Variants in TPCN2 observed in about 807,000 individuals in gnomAD.
The protein encoded by TPCN2 is two pore segment channel 2, also known as two pore channel protein 2.
Under a neutral mutation model 111.4 loss-of-function variants are expected in TPCN2, and 92 were observed. The ratio of observed to expected loss-of-function variants is 0.83; its 90% CI spans 0.70 to 0.98. The LOEUF is 0.98. Among genes scored for constraint, TPCN2 ranks in the 50% least tolerant of loss-of-function variants. TPCN2 has a pLI of 0.00. For missense variants in TPCN2, 995 were observed against 980.1 expected, an observed-to-expected ratio of 1.02 and a Z score of -0.20; for synonymous variants, 405 against 414.5, an observed-to-expected ratio of 0.98 and a Z score of 0.28.
At chr11:69,073,253 C>G (rs1257081539) in intron 13 of TPCN2, among the ~76,000 whole-genome samples, 3 of 152,378 alleles carry the variant, frequency 2.0e-5, no homozygotes, top group South Asian at 2.1e-4. Flanking sequence ...AAATGGTCTT[C>G]TCGGTTTCCA....
At position 69,076,396 on chromosome 11, in the gene TPCN2, CTG is replaced by C. The variant is rs1325016890; in HGVS notation, c.1231-2083_1231-2082del. 5.3e-5 allele frequency among the ~76,000 whole-genome samples: 8 copies of C among 152,266 alleles called. No individual in the cohort carries two copies. In the South Asian group the frequency reaches 6.2e-4, roughly 12 times the overall value. ...TGGGCACTGGTTTCCACATTGAGGA[CTG>C]TGGGAAGCTGGGAAATTTTCAGGAG... is the stretch of plus-strand genomic sequence containing the variant. On this transcript the variant is annotated intron_variant, in intron 13 of 24. Coordinates refer to ENST00000294309, the MANE Select transcript of TPCN2 (RefSeq NM_139075.4).
intron 5 of TPCN2, among the ~76,000 whole-genome samples, chr11:69,060,378 T>A (rs569628226): frequency 2.6e-5 from 4 of 152,270 alleles, no homozygotes; most frequent in Non-Finnish European, 2.9e-5. Flanking sequence ...AGCTGTCCAG[T>A]CATAAAGAAC....
At chr11:69,081,286 C>T (rs959603987) in intron 17 of TPCN2, 114 bp from the exon 18 acceptor site, 36 of 657,308 alleles carry the variant, frequency 5.5e-5, no homozygotes, top group Middle Eastern at 4.1e-4. Context: ...GGTGCACTCC[C>T]GTCATGCCCT....
At chr11:69,057,764 G>T in intron 5 of TPCN2, 70 bp downstream of exon 5, 2 of 1,435,480 alleles carry the variant, frequency 1.4e-6, no homozygotes, top group Admixed American at 3.4e-5. Flanking sequence ...GCCCACGGGG[G>T]TGCTGGGATG....
intron 8 of TPCN2, among the ~76,000 whole-genome samples, chr11:69,069,172 A>G (rs1199962981): frequency 1.4e-5 from 2 of 138,680 alleles, no homozygotes; most frequent in African/African-American, 2.8e-5. Context: ...TGGGAGCAGG[A>G]CTGTCTGAGT....
In TPCN2 at chr11:69,061,299, G is replaced by A. The variant is rs111691019; in HGVS notation, c.547-1585G>A. Among the ~76,000 whole-genome samples, 4 of 152,228 alleles carry A rather than the reference G, an allele frequency of 2.6e-5. 1 individual carries two copies. The highest frequency in any genetic ancestry group is 1.3e-4 in the Admixed American group (2 of 15,244). On this transcript the variant is annotated intron_variant, in intron 5 of 24. Transcript: ENST00000294309. ...TGAGGGCCGTGGCCTGTGAGGTCTG[G>A]GAAGGGGCTGGACTGACTGGCTGGG...
intron 7 of TPCN2, among the ~76,000 whole-genome samples, chr11:69,066,546 G>T (rs914356475): frequency 6.6e-6 from 1 of 152,228 alleles, no homozygotes; most frequent in Non-Finnish European, 1.5e-5. Flanking sequence ...GTGAGGCCTT[G>T]GAGGCCTCAG....
chr11:69,088,041 G>A lies in TPCN2; in HGVS notation c.*88G>A. On this transcript the variant is annotated 3_prime_UTR_variant, in exon 25 of 25. Coordinates refer to ENST00000294309, the MANE Select transcript of TPCN2 (RefSeq NM_139075.4). ...TCATGGAAGAGGCGGCCATGCTGTG[G>A]CCAGCCAGGCAGGAAGAGACCTTTC... 5 of 1,199,910 alleles carry A rather than the reference G, an allele frequency of 4.2e-6. No individual in the cohort carries two copies. The South Asian group carries it at 7.0e-5, about 17-fold the overall frequency. 74.3% of individuals were successfully genotyped at this position (1,199,910 alleles called of 1,614,324 possible).
intron 5 of TPCN2, among the ~76,000 whole-genome samples, chr11:69,058,683 C>T (rs148794419): frequency 5.0e-4 from 76 of 152,302 alleles, no homozygotes; most frequent in South Asian, 8.3e-4. Flanking sequence ...CACGGCAGAG[C>T]GGAAGGGTGG....
In TPCN2 at chr11:69,081,393, TC is replaced by T. The variant is rs1167538229; in HGVS notation, c.1590-3del. The T allele has an allele frequency of 2.6e-6, 4 of 1,541,592 alleles. No individual in the cohort carries two copies. Among genetic ancestry groups the T allele is most frequent in the African/African-American group, 1.4e-5 (1 of 73,112 alleles). The stretch of plus-strand genomic sequence containing the variant: ...CCTCCCAACCCGCCTCCCGTGTCTC[TC>T]CCCAGGAGGCCGGAGATGGTGGGCC... On this transcript the variant is annotated splice_polypyrimidine_tract_variant and splice_region_variant and intron_variant, in intron 17 of 24. Coordinates refer to ENST00000294309, the MANE Select transcript of TPCN2 (RefSeq NM_139075.4).
chr11:69,087,277 G>C, intron 24 of TPCN2, 71 bp downstream of exon 24: 2 of 1,391,100 alleles, frequency 1.4e-6, no homozygotes, highest in Non-Finnish European at 2.0e-6. Flanking sequence ...GGGTGGAGGG[G>C]TTGAGGCGGC....
At chr11:69,067,192 G>A (rs1031862568) in intron 7 of TPCN2, among the ~76,000 whole-genome samples, 18 of 152,214 alleles carry the variant, frequency 1.2e-4, no homozygotes, top group Admixed American at 3.9e-4. Flanking sequence ...TGGCAGAGTC[G>A]GCTGCGAGCA....
At chr11:69,052,330 C>T (rs545672620) in intron 1 of TPCN2, among the ~76,000 whole-genome samples, 3 of 152,146 alleles carry the variant, frequency 2.0e-5, no homozygotes, top group African/African-American at 4.8e-5. Flanking sequence ...CCCCTCAGGG[C>T]TGTTCATTTA....
chr11:69,086,689 C>A, intron 23 of TPCN2, 85 bp downstream of exon 23: 1 of 1,333,748 alleles, frequency 7.5e-7, no homozygotes, highest in East Asian at 2.3e-5. Context: ...CCGGCCGGGC[C>A]TGCCTGGAAC....
chr11:69,068,066 G>A (rs1334075471), intron 8 of TPCN2, among the ~76,000 whole-genome samples: 4 of 151,938 alleles, frequency 2.6e-5, no homozygotes, highest in Non-Finnish European at 5.9e-5. Context: ...CAGCATGTGA[G>A]GGCCAAGGGT....
rs199743860 is a variant in TPCN2, at chr11:69,055,264, G to A, written c.341G>A (p.Arg114His). 6.8e-6 allele frequency: 11 copies of A among 1,614,014 alleles called. No individual in the cohort carries two copies. Among genetic ancestry groups the A allele is most frequent in the Admixed American group, 3.3e-5 (2 of 60,028 alleles). The change falls in exon 4 of 25, where the codon CGC becomes CAC. Residue 114 changes from arginine (R) to histidine (H), a missense_variant. Coordinates refer to ENST00000294309, the MANE Select transcript of TPCN2 (RefSeq NM_139075.4). The part of the protein sequence containing the change: ...SLTSTADVRY[R>H]AAPWEPPCGL... Reference sequence around the variant, plus strand: ...ACCAGCACGGCGGACGTGCGCTACCGCGCTGCTCCCTGGGAGCCGCCCTGC... The same window carrying A: ...ACCAGCACGGCGGACGTGCGCTACCACGCTGCTCCCTGGGAGCCGCCCTGC...
intron 18 of TPCN2, among the ~76,000 whole-genome samples, chr11:69,083,430 G>A (rs912369481): frequency 2.6e-5 from 4 of 152,230 alleles, no homozygotes; most frequent in Non-Finnish European, 4.4e-5. Flanking sequence ...ATGAGGAGGA[G>A]CGGCTCTTTG....
intron 8 of TPCN2, among the ~76,000 whole-genome samples, 192 bp from the exon 9 acceptor site, chr11:69,070,238 T>C (rs1189681049): frequency 6.6e-6 from 1 of 152,068 alleles, no homozygotes; most frequent in African/African-American, 2.4e-5. Context: ...TTGGCCAGGC[T>C]GGTCTCGGAA....
chr11:69,071,989 T>G lies in TPCN2; in HGVS notation c.1027T>G (p.Ser343Ala). ...GTRAAFEVLS[S>A]MVGEGGAFPQ... ...CCGGGCTGCCTTTGAAGTCCTATCC[T>G]CCATGGTGGGGGAGGGAGGAGCCTT... The change falls in exon 11 of 25, where the codon TCC becomes GCC. Residue 343 changes from serine (S) to alanine (A), a missense_variant. By Grantham distance (99) the Ser-to-Ala change is moderately conservative. Transcript: ENST00000294309. 4 of 1,613,862 alleles carry G rather than the reference T, an allele frequency of 2.5e-6. No individual in the cohort carries two copies. The highest frequency in any genetic ancestry group is 2.2e-5 in the South Asian group (2 of 91,058).
Sources: allele counts gnomAD v4.1 joint callset (sites outside exome capture counted in the v4.1 genomes callset), GRCh38; gene constraint gnomAD v4.1.1; transcripts MANE v1.5; gene names NCBI Gene and HGNC (gene_info 2026-07-23, HGNC 2026-07-21).